TEAD1: variants seen among roughly 807,000 people sequenced by gnomAD.
The protein encoded by TEAD1 is transcriptional enhancer factor TEF-1.
TEAD1 carries 9 observed loss-of-function variants against 54.9 expected under a neutral mutation model. The ratio of observed to expected loss-of-function variants is 0.16; its 90% CI spans 0.10 to 0.29. The LOEUF is 0.29. Among genes scored for constraint, TEAD1 ranks in the 10% least tolerant of loss-of-function variants. The probability of loss-of-function intolerance (pLI) is 1.00; values close to 1 mark genes in which losing one functional copy is unlikely to be tolerated. For synonymous variants in TEAD1, 200 were observed against 187.8 expected, an observed-to-expected ratio of 1.07 and a Z score of -0.53; for missense variants, 387 against 535.9, an observed-to-expected ratio of 0.72 and a Z score of 2.74.
chr11:12,727,939 A>G (rs117331176), intron 2 of TEAD1, among the ~76,000 whole-genome samples: 1 of 151,776 alleles, frequency 6.6e-6, no homozygotes, highest in East Asian at 1.9e-4. Flanking sequence ...TATTCCTGAA[A>G]CTCCACACTC....
intron 2 of TEAD1, among the ~76,000 whole-genome samples, chr11:12,723,722 AT>A (rs750745834): frequency 5.9e-5 from 9 of 152,212 alleles, no homozygotes; most frequent in Non-Finnish European, 1.3e-4. Flanking sequence ...AACTTATAAA[AT>A]GTAGGTTGCC....
intron 3 of TEAD1, among the ~76,000 whole-genome samples, chr11:12,773,355 A>G (rs2133937922): frequency 6.6e-6 from 1 of 152,280 alleles, no homozygotes; most frequent in South Asian, 2.1e-4. Flanking sequence ...AAACTGCCCA[A>G]GTGTTTTCCA....
chr11:12,858,970 G>C (rs962963789), intron 3 of TEAD1, among the ~76,000 whole-genome samples: 5 of 152,204 alleles, frequency 3.3e-5, no homozygotes, highest in African/African-American at 1.2e-4. Flanking sequence ...TAACACAATG[G>C]TAAGACTTGG....
At chr11:12,710,867 A>AGAGT (rs1943921955) in intron 2 of TEAD1, among the ~76,000 whole-genome samples, 1 of 151,872 alleles carries the variant, frequency 6.6e-6, no homozygotes, top group Admixed American at 6.6e-5. Context: ...AGAGGAGGAG[A>AGAGT]GAGTGAGTGC....
rs1279962758 is a variant in TEAD1, at chr11:12,675,554, C to T, written c.-62C>T. 1 of 152,230 alleles carries T rather than the reference C, an allele frequency of 6.6e-6. No homozygotes were observed. The highest frequency in any genetic ancestry group is 1.5e-5 in the Non-Finnish European group (1 of 68,056). The allele number at this position is 152,230 out of a possible 1,614,324, so 9.4% of individuals were successfully genotyped here. ...AGACTCTCCCTGGAAAACTTCCCTT[C>T]CCTTTCGGTAGGAAATACTGGGGGA... On this transcript the variant is annotated 5_prime_UTR_variant, in exon 2 of 13. Transcript: ENST00000527636.
chr11:12,900,025 A>G (rs1287849803), intron 9 of TEAD1, among the ~76,000 whole-genome samples: 1 of 152,220 alleles, frequency 6.6e-6, no homozygotes, highest in African/African-American at 2.4e-5. Flanking sequence ...ACTGAGTTTG[A>G]GAAACTCTAG....
At chr11:12,854,284 C>T (rs1170839007) in intron 3 of TEAD1, among the ~76,000 whole-genome samples, 4 of 152,178 alleles carry the variant, frequency 2.6e-5, no homozygotes, top group Non-Finnish European at 5.9e-5. Flanking sequence ...CTCACTCTGT[C>T]ATTTACTCCA....
chr11:12,786,756 G>A (rs769187456), intron 3 of TEAD1, among the ~76,000 whole-genome samples: 36 of 152,144 alleles, frequency 2.4e-4, no homozygotes, highest in Non-Finnish European at 4.1e-4. Flanking sequence ...ATTCTAGTGG[G>A]GGCGATAGAC....
chr11:12,922,348 C>T (rs1416445227), intron 10 of TEAD1: 1 of 110,588 alleles, frequency 9.0e-6, no homozygotes, highest in East Asian at 2.7e-4. Context: ...AGGCGCCCGC[C>T]ACTACGCCCG....
intron 2 of TEAD1, among the ~76,000 whole-genome samples, chr11:12,735,891 T>G (rs1944521206): frequency 6.6e-6 from 1 of 152,170 alleles, no homozygotes; most frequent in Non-Finnish European, 1.5e-5. Context: ...TAAGGCTAAT[T>G]GAACAAATGC....
intron 3 of TEAD1, among the ~76,000 whole-genome samples, chr11:12,790,743 A>G (rs563637961): frequency 5.3e-5 from 8 of 152,340 alleles, no homozygotes; most frequent in African/African-American, 1.9e-4. Context: ...AGGTGTATAA[A>G]TAGTCAAGAA....
At chr11:12,737,995 G>A (rs1944571459) in intron 2 of TEAD1, among the ~76,000 whole-genome samples, 1 of 152,054 alleles carries the variant, frequency 6.6e-6, no homozygotes, top group African/African-American at 2.4e-5. Flanking sequence ...AAGCAAAAGG[G>A]GAAACCCCTT....
chr11:12,879,079 A>G (rs1307345174), intron 5 of TEAD1, among the ~76,000 whole-genome samples: 2 of 152,178 alleles, frequency 1.3e-5, no homozygotes, highest in Non-Finnish European at 2.9e-5. Context: ...ACGTAGCCTT[A>G]GCCCCACGGC....
intron 3 of TEAD1, among the ~76,000 whole-genome samples, chr11:12,819,385 T>A (rs1383494546): frequency 6.6e-6 from 1 of 152,102 alleles, no homozygotes; most frequent in East Asian, 1.9e-4. Context: ...CCCCTTCATT[T>A]AAACAGTCCA....
In TEAD1 at chr11:12,943,387, A is replaced by G. The variant is rs1432307153; in HGVS notation, c.*6165A>G. On this transcript the variant is annotated 3_prime_UTR_variant, in exon 13 of 13. Transcript: ENST00000527636. The stretch of plus-strand genomic sequence containing the variant: ...GTTTTCTCTCTCAAAGCCGTTGCTT[A>G]TATCGTTAAGAATGAAGGTTTGTGT... 4 of 152,650 alleles carry G rather than the reference A, an allele frequency of 2.6e-5. No individual in the cohort carries two copies. Among genetic ancestry groups the G allele is most frequent in the African/African-American group, 9.6e-5 (4 of 41,464 alleles). 9.5% of individuals were successfully genotyped at this position (152,650 alleles called of 1,614,324 possible). A position where few individuals can be genotyped will look rare whatever the true frequency, so the allele number is the denominator to read the frequency against.
At chr11:12,727,201 T>C (rs1374696377) in intron 2 of TEAD1, among the ~76,000 whole-genome samples, 1 of 152,114 alleles carries the variant, frequency 6.6e-6, no homozygotes, top group Non-Finnish European at 1.5e-5. Context: ...GATGGCACCA[T>C]TGCACTCCAG....
chr11:12,704,489 A>G (rs895194124), intron 2 of TEAD1, among the ~76,000 whole-genome samples: 2 of 152,174 alleles, frequency 1.3e-5, no homozygotes, highest in East Asian at 1.9e-4. Context: ...ACGTTCCCCA[A>G]CTATTGTCCA....
intron 2 of TEAD1, among the ~76,000 whole-genome samples, chr11:12,740,985 T>C (rs1304936849): frequency 6.6e-6 from 1 of 152,002 alleles, no homozygotes; most frequent in East Asian, 1.9e-4. Context: ...AATATTGGAA[T>C]CCTTTCTTAA....
intron 9 of TEAD1, among the ~76,000 whole-genome samples, chr11:12,884,758 A>C (rs1948051606): frequency 6.6e-6 from 1 of 152,174 alleles, no homozygotes; most frequent in South Asian, 2.1e-4. Flanking sequence ...AAAGAGAAGA[A>C]AAGGCCAACT....
Sources: allele counts gnomAD v4.1 joint callset (sites outside exome capture counted in the v4.1 genomes callset), GRCh38; gene constraint gnomAD v4.1.1; transcripts MANE v1.5; gene names NCBI Gene and HGNC (gene_info 2026-07-23, HGNC 2026-07-21).